Variants in POU2F1 observed in about 807,000 individuals in gnomAD.
POU2F1 encodes the protein POU class 2 homeobox 1.
Under a neutral mutation model 84.9 loss-of-function variants are expected in POU2F1, and 16 were observed. The observed-to-expected ratio is 0.19, with a 90% CI of 0.13 to 0.29. POU2F1 has a LOEUF of 0.29. POU2F1 is among the 10% of genes least tolerant of loss of function. The probability of loss-of-function intolerance (pLI) is 1.00; values close to 1 mark genes in which losing one functional copy is unlikely to be tolerated. For missense variants in POU2F1, 738 were observed against 942.6 expected, an observed-to-expected ratio of 0.78 and a Z score of 2.84; for synonymous variants, 368 against 368.3, an observed-to-expected ratio of 1.00 and a Z score of 0.01.
intron 1 of POU2F1, among the ~76,000 whole-genome samples, chr1:167,295,001 G>A (rs960427377): frequency 6.6e-6 from 1 of 152,018 alleles, no homozygotes; most frequent in Non-Finnish European, 1.5e-5. Flanking sequence ...GGGTGTGGTA[G>A]AGGGTGCCTA....
intron 7 of POU2F1, chr1:167,380,295 C>T (rs998582340): frequency 7.2e-5 from 11 of 152,294 alleles, no homozygotes; most frequent in Non-Finnish European, 1.2e-4. Flanking sequence ...AACGAGTAAA[C>T]ACATGTAAGG....
chr1:167,262,485 G>C (rs558078085), intron 1 of POU2F1, among the ~76,000 whole-genome samples: 1 of 152,194 alleles, frequency 6.6e-6, no homozygotes, highest in Non-Finnish European at 1.5e-5. Context: ...ATCAGAAACC[G>C]TATCTGCCCT....
chr1:167,340,588 C>T (rs752553227), intron 2 of POU2F1, among the ~76,000 whole-genome samples: 9 of 151,716 alleles, frequency 5.9e-5, no homozygotes, highest in African/African-American at 1.2e-4. Context: ...TGCGCCCCCA[C>T]GCCCAGCTAA....
intron 1 of POU2F1, among the ~76,000 whole-genome samples, chr1:167,282,303 C>T (rs1489894113): frequency 6.6e-6 from 1 of 152,086 alleles, no homozygotes; most frequent in African/African-American, 2.4e-5. Context: ...GCCACCACGC[C>T]CAGCTAATTT....
chr1:167,227,088 G>T (rs1648688172), intron 1 of POU2F1, among the ~76,000 whole-genome samples: 2 of 152,050 alleles, frequency 1.3e-5, no homozygotes, highest in African/African-American at 4.8e-5. Context: ...ACCTGGCCCA[G>T]ATTTCTTTTA....
rs1197814755 is a variant in POU2F1 at position 167,358,716 on chromosome 1, C to CTTTTTTTTTT, written c.128-6739_128-6730dup. ...TTCTTAATCTTTTTATTATCTGCAG[C>CTTTTTTTTTT]TTTTTTTTTTTTTTTTTTTTTGAGA... On this transcript the variant is annotated intron_variant, in intron 2 of 15. Transcript: ENST00000367866. Among the ~76,000 whole-genome samples, 127 of 38,348 alleles carry CTTTTTTTTTT rather than the reference C, an allele frequency of 3.3e-3. 16 individuals carry two copies. The highest frequency in any genetic ancestry group is 7.9e-3 in the African/African-American group (110 of 14,010). 25.2% of individuals were successfully genotyped at this position (38,348 alleles called of 152,430 possible). A position where few individuals can be genotyped will look rare whatever the true frequency, so the allele number is the denominator to read the frequency against.
chr1:167,221,052 G>T, intron 1 of POU2F1, 94 bp downstream of exon 1: 1 of 1,133,908 alleles, frequency 8.8e-7, no homozygotes, highest in Non-Finnish European at 1.3e-6. Flanking sequence ...TTAGTACTCA[G>T]GATTATTATA....
Position 167,401,563 on chromosome 1 carries a change from AGC to A in POU2F1, c.1555+8_1555+9del. The A allele has an allele frequency of 1.3e-6, 2 of 1,594,426 alleles. No homozygotes were observed. The highest frequency in any genetic ancestry group is 1.7e-6 in the Non-Finnish European group (2 of 1,167,974). ...ACGAATCTTTCAGTTACAGGTAAGC[AGC>A]TGCCAGGCCATGCACCTGCTGAGCA... On this transcript the variant is annotated splice_region_variant and intron_variant, in intron 13 of 15. Coordinates refer to ENST00000367866, the MANE Select transcript of POU2F1 (RefSeq NM_002697.4).
intron 1 of POU2F1, 68 bp downstream of exon 1, chr1:167,221,026 G>T: frequency 1.5e-6 from 2 of 1,336,818 alleles, no homozygotes; most frequent in South Asian, 2.5e-5. Context: ...CCCCCCCCGC[G>T]ACTTAGCATA....
rs1315727906 is a variant in POU2F1 at position 167,389,721 on chromosome 1, A to G, written c.947A>G (p.Lys316Arg). The G allele has an allele frequency of 6.2e-7, 1 of 1,613,972 alleles. No individual in the cohort carries two copies. The highest frequency in any genetic ancestry group is 8.5e-7 in the Non-Finnish European group (1 of 1,179,992). Residue 316 changes from lysine (K) to arginine (R), a missense_variant, in exon 9 of 16, where the codon AAG becomes AGG. This residue lies in a region of POU2F1 where 95 missense variants were observed against 195.1 expected (regional missense o/e 0.49). Transcript: ENST00000367866. ...SDLEELEQFA[K>R]TFKQRRIKLG... ...CTTGAGGAGCTTGAGCAGTTTGCCAAGACCTTCAAACAAAGACGAATCAAA... is the reference window on the plus strand; with the variant it reads ...CTTGAGGAGCTTGAGCAGTTTGCCAGGACCTTCAAACAAAGACGAATCAAA...
intron 1 of POU2F1, among the ~76,000 whole-genome samples, chr1:167,244,947 A>G (rs2102384469): frequency 6.6e-6 from 1 of 152,352 alleles, no homozygotes; most frequent in African/African-American, 2.4e-5. Flanking sequence ...GAGGGATCTT[A>G]ATACTACATA....
At chr1:167,325,897 A>G (rs1656673306) in intron 1 of POU2F1, among the ~76,000 whole-genome samples, 1 of 152,008 alleles carries the variant, frequency 6.6e-6, no homozygotes, top group Non-Finnish European at 1.5e-5. Flanking sequence ...CAAAAAAAAA[A>G]AAAAAACTAG....
chr1:167,360,334 C>T (rs1659274980), intron 2 of POU2F1, among the ~76,000 whole-genome samples: 1 of 152,142 alleles, frequency 6.6e-6, no homozygotes, highest in East Asian at 1.9e-4. Context: ...AGTTTGTGGT[C>T]TTACATGGAA....
At chr1:167,281,165 G>T (rs112331060) in intron 1 of POU2F1, among the ~76,000 whole-genome samples, 5 of 152,204 alleles carry the variant, frequency 3.3e-5, no homozygotes, top group Admixed American at 3.3e-4. Flanking sequence ...AACTTAAAAT[G>T]TACATAATGT....
intron 1 of POU2F1, among the ~76,000 whole-genome samples, chr1:167,269,913 C>A (rs371233288): frequency 2.6e-3 from 342 of 129,736 alleles, no homozygotes; most frequent in South Asian, 2.7e-3. Context: ...GTCTCTGTCT[C>A]AAAAAAAAAA....
intron 1 of POU2F1, among the ~76,000 whole-genome samples, chr1:167,239,408 C>T (rs1649741688): frequency 6.6e-6 from 1 of 152,186 alleles, no homozygotes; most frequent in Non-Finnish European, 1.5e-5. Flanking sequence ...GATGCCACTG[C>T]TTTACAAGAG....
At chr1:167,260,588 A>G (rs1311980196) in intron 1 of POU2F1, among the ~76,000 whole-genome samples, 1 of 152,154 alleles carries the variant, frequency 6.6e-6, no homozygotes, top group African/African-American at 2.4e-5. Context: ...AATTCTCTCA[A>G]CATGATTTGT....
chr1:167,262,041 G>C (rs770471970), intron 1 of POU2F1, among the ~76,000 whole-genome samples: 1 of 152,076 alleles, frequency 6.6e-6, no homozygotes, highest in East Asian at 1.9e-4. Context: ...AATATGTTTC[G>C]TGTACCTAAG....
At chr1:167,340,676 C>T (rs760322211) in intron 2 of POU2F1, among the ~76,000 whole-genome samples, 20 of 152,022 alleles carry the variant, frequency 1.3e-4, no homozygotes, top group Non-Finnish European at 1.5e-5. Flanking sequence ...AAGCGATCCA[C>T]CTGCCTCAGC....
Sources: gnomAD v4.1 joint callset for allele counts (sites outside exome capture counted in the v4.1 genomes callset) on GRCh38, gnomAD v4.1.1 for gene constraint, gnomAD v4.1.1 regional missense constraint, MANE v1.5 for transcripts, NCBI Gene and HGNC (gene_info 2026-07-23, HGNC 2026-07-21) for gene names.